The following RBFOX3 variants were observed in gnomAD, a reference collection of about 807,000 sequenced individuals.
RBFOX3 encodes the protein RNA binding protein fox-1 homolog 3.
A neutral mutation model predicts 48.7 loss-of-function variants in RBFOX3; 17 were observed. The observed-to-expected ratio is 0.35, with a 90% CI of 0.24 to 0.52. RBFOX3 has a LOEUF of 0.52. Among genes scored for constraint, RBFOX3 ranks in the 20% least tolerant of loss-of-function variants. The pLI is 0.94. For synonymous variants in RBFOX3, 212 were observed against 209.5 expected (o/e 1.01, Z -0.10); for missense variants, 382 against 497.5 (o/e 0.77, Z 2.21).
At chr17:79,593,003 G>A (rs386829704) in intron 1 of RBFOX3, among the ~76,000 whole-genome samples, 10 of 152,068 alleles carry the variant, frequency 6.6e-5, no homozygotes, top group African/African-American at 2.2e-4. Context: ...AGCAACCACC[G>A]GGTGAAAAGC....
intron 1 of RBFOX3, among the ~76,000 whole-genome samples, chr17:79,570,387 G>A (rs2092630369): frequency 1.3e-5 from 2 of 151,732 alleles, no homozygotes; most frequent in Admixed American, 6.6e-5. Context: ...GATAATAGAT[G>A]GATGGTAGAT....
At chr17:79,611,182 C>T (rs1263428121), upstream of RBFOX3, among the ~76,000 whole-genome samples, 1 of 4,666 alleles carries the variant, frequency 2.1e-4, no homozygotes, top group Non-Finnish European at 3.6e-4. Flanking sequence ...CTCCGCCCTC[C>T]TTCTCTCTCT....
chr17:79,346,115 G>T (rs2082885272), intron 2 of RBFOX3, among the ~76,000 whole-genome samples: 2 of 151,942 alleles, frequency 1.3e-5, no homozygotes, highest in South Asian at 2.1e-4. Context: ...AGAGATGAGG[G>T]TTCCATCATG....
At chr17:79,612,263 C>T (rs956842383), upstream of RBFOX3, among the ~76,000 whole-genome samples, 1 of 152,210 alleles carries the variant, frequency 6.6e-6, no homozygotes, top group East Asian at 1.9e-4. Context: ...ACAAACAGAT[C>T]CAAACCCGTC....
At chr17:79,437,797 G>A (rs1490325624) in intron 2 of RBFOX3, among the ~76,000 whole-genome samples, 2 of 152,246 alleles carry the variant, frequency 1.3e-5, no homozygotes, top group African/African-American at 4.8e-5. Context: ...TCTGGCTCCT[G>A]CCTGACTGCT....
chr17:79,353,252 C>T (rs1245737874), intron 2 of RBFOX3, among the ~76,000 whole-genome samples: 1 of 152,190 alleles, frequency 6.6e-6, no homozygotes, highest in African/African-American at 2.4e-5. Context: ...CTGCTGAAGT[C>T]TCCTTCATCC....
intron 4 of RBFOX3, among the ~76,000 whole-genome samples, chr17:79,177,084 G>A (rs925806459): frequency 1.3e-5 from 2 of 152,260 alleles, no homozygotes; most frequent in East Asian, 1.9e-4. Flanking sequence ...CCCTCTGGAC[G>A]CCTGCCCATG....
intron 1 of RBFOX3, among the ~76,000 whole-genome samples, chr17:79,513,887 C>A (rs1342415805): frequency 6.6e-6 from 1 of 152,210 alleles, no homozygotes; most frequent in Non-Finnish European, 1.5e-5. Context: ...CCTGCCCCTG[C>A]ACATCTGGTA....
At chr17:79,128,520 G>A (rs1307056832) in intron 4 of RBFOX3, among the ~76,000 whole-genome samples, 2 of 152,186 alleles carry the variant, frequency 1.3e-5, no homozygotes, top group African/African-American at 4.8e-5. Context: ...AGACTCAGCT[G>A]CTTCCTCCGC....
intron 5 of RBFOX3, among the ~76,000 whole-genome samples, chr17:79,109,032 G>A (rs1296599703): frequency 6.6e-6 from 1 of 152,276 alleles, no homozygotes; most frequent in Non-Finnish European, 1.5e-5. Context: ...ATGCGCTGCA[G>A]GACCTGTCTC....
intron 3 of RBFOX3, among the ~76,000 whole-genome samples, chr17:79,273,614 G>A (rs111294665): frequency 0.16 from 23,477 of 151,434 alleles, 2,453 homozygotes; most frequent in Middle Eastern, 0.37. Flanking sequence ...TAGTCCTGGG[G>A]GGCAGCGTGA....
intron 3 of RBFOX3, among the ~76,000 whole-genome samples, chr17:79,306,493 C>A (rs1436552691): frequency 6.6e-6 from 1 of 152,228 alleles, no homozygotes; most frequent in Non-Finnish European, 1.5e-5. Flanking sequence ...CTGCTTTGTT[C>A]CTGGGGCTCC....
chr17:79,097,236 C>T lies in RBFOX3; in HGVS notation c.755+56G>A, dbSNP rs573862937. The T allele has an allele frequency of 4.2e-5, 61 of 1,438,970 alleles. No homozygotes were observed. In the African/African-American group the frequency reaches 8.3e-4, roughly 20 times the overall value. 89.1% of individuals were successfully genotyped at this position (1,438,970 alleles called of 1,614,324 possible). On this transcript the variant is annotated intron_variant, in intron 11 of 14. Coordinates refer to ENST00000693108, the MANE Select transcript of RBFOX3 (RefSeq NM_001350451.2). Reference sequence around the variant, plus strand: ...GCACTGCGCAGGGCCTCCCCATTTCCCTCCTCCCCGCCGTCCTACCCCCTC... The same window carrying T: ...GCACTGCGCAGGGCCTCCCCATTTCTCTCCTCCCCGCCGTCCTACCCCCTC...
At chr17:79,106,129 G>A (rs1401617208) in intron 6 of RBFOX3, among the ~76,000 whole-genome samples, 3 of 152,024 alleles carry the variant, frequency 2.0e-5, no homozygotes, top group Admixed American at 2.0e-4. Flanking sequence ...TTCCCCACCT[G>A]GGGGCCCGGG....
chr17:79,144,244 C>T (rs553155768), intron 4 of RBFOX3, among the ~76,000 whole-genome samples: 3 of 152,234 alleles, frequency 2.0e-5, no homozygotes, highest in East Asian at 3.9e-4. Flanking sequence ...GGCCTGCTCT[C>T]GAGGCAGGAT....
At chr17:79,487,023 A>G (rs1254984922) in intron 1 of RBFOX3, among the ~76,000 whole-genome samples, 3 of 152,346 alleles carry the variant, frequency 2.0e-5, no homozygotes, top group South Asian at 2.1e-4. Flanking sequence ...AGTGTCCTCT[A>G]TCAAAAAATA....
At chr17:79,585,937 C>T (rs1400269489) in intron 1 of RBFOX3, among the ~76,000 whole-genome samples, 1 of 152,190 alleles carries the variant, frequency 6.6e-6, no homozygotes, top group Non-Finnish European at 1.5e-5. Context: ...TGGCACTGAC[C>T]CCCAGCTGAG....
intron 4 of RBFOX3, among the ~76,000 whole-genome samples, chr17:79,138,161 C>G (rs189695819): frequency 2.0e-5 from 3 of 151,968 alleles, no homozygotes; most frequent in South Asian, 2.1e-4. Context: ...ACCGAGCCTG[C>G]GAGGCACACT....
intron 4 of RBFOX3, among the ~76,000 whole-genome samples, chr17:79,122,418 C>T (rs868500759): frequency 6.6e-6 from 1 of 152,160 alleles, no homozygotes; most frequent in Non-Finnish European, 1.5e-5. Context: ...CGTCTAGCTG[C>T]CACCTAAGGA....
Sources: allele counts gnomAD v4.1 joint callset (sites outside exome capture counted in the v4.1 genomes callset), GRCh38; gene constraint gnomAD v4.1.1; transcripts MANE v1.5; gene names NCBI Gene and HGNC (gene_info 2026-07-23, HGNC 2026-07-21).